KLHL12: variants seen among roughly 807,000 people sequenced by gnomAD.
KLHL12 encodes kelch like family member 12.
Under a neutral mutation model 60.8 loss-of-function variants are expected in KLHL12, and 17 were observed. The observed-to-expected ratio is 0.28, with a 90% CI of 0.19 to 0.42. The LOEUF is 0.42. Ranked by LOEUF, KLHL12 falls within the 10% of genes least tolerant of loss-of-function variation. The probability of loss-of-function intolerance (pLI) is 1.00; values close to 1 mark genes in which losing one functional copy is unlikely to be tolerated. For synonymous variants in KLHL12, 220 were observed against 250.9 expected (o/e 0.88, Z 1.16); for missense variants, 468 against 722.3 (o/e 0.65, Z 4.04).
chr1:202,902,560 C>T (rs1266439453), intron 6 of KLHL12, among the ~76,000 whole-genome samples: 2 of 152,116 alleles, frequency 1.3e-5, no homozygotes, highest in Non-Finnish European at 2.9e-5. Context: ...TATTCTTAGG[C>T]ATTTCAGGGT....
chr1:202,924,843 G>T, intron 2 of KLHL12, 125 bp downstream of exon 2: 2 of 1,145,906 alleles, frequency 1.7e-6, no homozygotes, highest in Middle Eastern at 5.6e-4. Context: ...ATCTTATCCA[G>T]AATCTGCCAA....
At chr1:202,900,435 A>T (rs1180752998) in intron 6 of KLHL12, among the ~76,000 whole-genome samples, 4 of 152,166 alleles carry the variant, frequency 2.6e-5, no homozygotes, top group African/African-American at 9.7e-5. Context: ...CTGTAGTCCC[A>T]GCTACTCCTG....
At chr1:202,917,338 T>C (rs1372266141) in intron 4 of KLHL12, among the ~76,000 whole-genome samples, 4 of 152,080 alleles carry the variant, frequency 2.6e-5, no homozygotes, top group African/African-American at 9.7e-5. Context: ...CCTCAGCCTC[T>C]CAAGTAGCTG....
chr1:202,918,591 T>G (rs1457344585), intron 3 of KLHL12, among the ~76,000 whole-genome samples: 1 of 152,232 alleles, frequency 6.6e-6, no homozygotes, highest in East Asian at 1.9e-4. Flanking sequence ...GCAAGACCTT[T>G]ACACCTGTCT....
At position 202,894,561 on chromosome 1, in the gene KLHL12, C is replaced by T. The variant is rs761836218; in HGVS notation, c.1294+30G>A. 6.8e-6 allele frequency: 11 copies of T among 1,611,884 alleles called. No homozygotes were observed. The East Asian group carries it at 2.5e-4, about 36-fold the overall frequency. ...CCACAGCCCATTACCCATTGAGTTC[C>T]CTCCCATTCCTGCATCCCAGACTCA... On this transcript the variant is annotated intron_variant, in intron 9 of 11. Coordinates refer to ENST00000367261, the MANE Select transcript of KLHL12 (RefSeq NM_021633.4).
intron 7 of KLHL12, among the ~76,000 whole-genome samples, chr1:202,896,037 C>A (rs1044051689): frequency 2.5e-4 from 38 of 152,162 alleles, no homozygotes; most frequent in African/African-American, 9.2e-4. Flanking sequence ...GACTGATATC[C>A]TTCCATAAAG....
Position 202,924,839 on chromosome 1 carries a change from T to A in KLHL12, c.195+129A>T, listed in dbSNP as rs150943407. The A allele has an allele frequency of 4.8e-5, 52 of 1,082,686 alleles. No homozygotes were observed. In the African/African-American group the frequency reaches 8.0e-4, roughly 17 times the overall value. The allele number at this position is 1,082,686 out of a possible 1,614,324, so 67.1% of individuals were successfully genotyped here. A position where few individuals can be genotyped will look rare whatever the true frequency, so the allele number is the denominator to read the frequency against. ...ATAGTCATCTAAGTGGTAGATCTTATCCAGAATCTGCCAAAACATCACACT... is the reference window on the plus strand; with the variant it reads ...ATAGTCATCTAAGTGGTAGATCTTAACCAGAATCTGCCAAAACATCACACT... On this transcript the variant is annotated intron_variant, in intron 2 of 11. Coordinates refer to ENST00000367261, the MANE Select transcript of KLHL12 (RefSeq NM_021633.4).
At chr1:202,914,038 G>C (rs892949889) in intron 4 of KLHL12, among the ~76,000 whole-genome samples, 50 of 152,258 alleles carry the variant, frequency 3.3e-4, no homozygotes, top group African/African-American at 1.2e-3. Context: ...GAAATGACTA[G>C]AAGGCTAGTG....
chr1:202,896,831 C>A (rs191227918), intron 7 of KLHL12, 23 bp downstream of exon 7: 3 of 1,533,634 alleles, frequency 2.0e-6, no homozygotes, highest in Non-Finnish European at 1.8e-6. Context: ...TCCCTCCCAA[C>A]GAATGGTTTC....
Position 202,895,777 on chromosome 1 carries a change from C to G in KLHL12, c.940-60G>C. On this transcript the variant is annotated intron_variant, in intron 7 of 11. Coordinates refer to ENST00000367261, the MANE Select transcript of KLHL12 (RefSeq NM_021633.4). This position sits in a 1 kb window ranked among gnomAD's most constrained non-coding sequence, Gnocchi z 4.2. ...CAGTTAGGCAAGTTTTGGGCCTTAC[C>G]TTTTGCTATCTTCCCTGTTGTATCT... The G allele has an allele frequency of 1.6e-6, 2 of 1,264,808 alleles. No individual in the cohort carries two copies. The highest frequency in any genetic ancestry group is 1.3e-5 in the South Asian group (1 of 75,012). 78.3% of individuals were successfully genotyped at this position (1,264,808 alleles called of 1,614,324 possible).
chr1:202,899,700 C>A (rs1395101391), intron 6 of KLHL12, among the ~76,000 whole-genome samples: 2 of 151,986 alleles, frequency 1.3e-5, no homozygotes, highest in East Asian at 3.9e-4. Flanking sequence ...GTGATGCGCA[C>A]CTGTAGTCTC....
intron 2 of KLHL12, among the ~76,000 whole-genome samples, chr1:202,923,223 T>C (rs1660752185): frequency 6.6e-6 from 1 of 152,202 alleles, no homozygotes; most frequent in South Asian, 2.1e-4. Flanking sequence ...GTAAAGACAC[T>C]ATTTTCAAGC....
chr1:202,912,564 A>T, intron 4 of KLHL12: 1 of 1,134,876 alleles, frequency 8.8e-7, no homozygotes, highest in Non-Finnish European at 1.3e-6. Context: ...TTTGGCAACT[A>T]CAATAATCAG....
At chr1:202,927,562 A>C (rs188135970), upstream of KLHL12, among the ~76,000 whole-genome samples, 1 of 140,116 alleles carries the variant, frequency 7.1e-6, no homozygotes, top group African/African-American at 2.6e-5. Context: ...CCGCGCCTGT[A>C]GTCCCAGCTA....
Position 202,902,440 on chromosome 1 carries a change from C to A in KLHL12, c.833-5480G>T, listed in dbSNP as rs575751252. Among the ~76,000 whole-genome samples the A allele has an allele frequency of 8.3e-3, 1,253 of 150,700 alleles. 17 individuals are homozygous for A. The highest frequency in any genetic ancestry group is 0.029 in the African/African-American group (1,196 of 41,146). On this transcript the variant is annotated intron_variant, in intron 6 of 11. Transcript: ENST00000367261. ...GCGAGACTCCGTCCAAAAAAAAAAA[C>A]ACCAAAAACAAACAAACAAAAAAAC... is the stretch of plus-strand genomic sequence containing the variant.
At chr1:202,916,432 G>A (rs1660521802) in intron 4 of KLHL12, among the ~76,000 whole-genome samples, 2 of 152,238 alleles carry the variant, frequency 1.3e-5, no homozygotes, top group Admixed American at 1.3e-4. Flanking sequence ...AGTGGCTGAT[G>A]TCAGGAGTTC....
chr1:202,899,896 G>T (rs1372303715), intron 6 of KLHL12, among the ~76,000 whole-genome samples: 2 of 151,844 alleles, frequency 1.3e-5, no homozygotes, highest in Admixed American at 1.3e-4. Context: ...TTTAGTGATT[G>T]AAGTAATTTT....
intron 4 of KLHL12, among the ~76,000 whole-genome samples, chr1:202,916,584 C>G (rs551608686): frequency 6.6e-6 from 1 of 152,304 alleles, no homozygotes; most frequent in South Asian, 2.1e-4. Context: ...GTGAAGGTTA[C>G]AGTGAGCTGA....
chr1:202,919,727 A>G (rs769833084), intron 3 of KLHL12, 28 bp downstream of exon 3: 14 of 1,577,228 alleles, frequency 8.9e-6, no homozygotes, highest in Non-Finnish European at 1.2e-5. Context: ...ATTTTGACAT[A>G]AACAATAGCA....
Sources: gnomAD v4.1 joint callset for allele counts (sites outside exome capture counted in the v4.1 genomes callset) on GRCh38, gnomAD v4.1.1 for gene constraint, Gnocchi (gnomAD v3.1) non-coding constraint, MANE v1.5 for transcripts, NCBI Gene and HGNC (gene_info 2026-07-23, HGNC 2026-07-21) for gene names.